DLGAP2: variants seen among roughly 807,000 people sequenced by gnomAD.
The protein encoded by DLGAP2 is disks large-associated protein 2.
A neutral mutation model predicts 100.3 loss-of-function variants in DLGAP2; 26 were observed. The observed-to-expected ratio is 0.26, with a 90% CI of 0.19 to 0.36. DLGAP2 has a LOEUF of 0.36. Ranked by LOEUF, DLGAP2 falls within the 10% of genes least tolerant of loss-of-function variation. The probability of loss-of-function intolerance (pLI) is 1.00; values close to 1 mark genes in which losing one functional copy is unlikely to be tolerated. For synonymous variants in DLGAP2, 886 were observed against 630.1 expected, an observed-to-expected ratio of 1.41 and a Z score of -6.08; for missense variants, 1,858 against 1,453.2, an observed-to-expected ratio of 1.28 and a Z score of -4.53.
intron 5 of DLGAP2, among the ~76,000 whole-genome samples, chr8:1,559,996 A>T (rs929451695): frequency 6.6e-6 from 1 of 152,192 alleles, no homozygotes; most frequent in Non-Finnish European, 1.5e-5. Context: ...CTCCACCCTG[A>T]TGATGCTACC....
intron 6 of DLGAP2, among the ~76,000 whole-genome samples, chr8:1,590,019 C>T (rs1453982570): frequency 6.6e-6 from 1 of 152,108 alleles, no homozygotes; most frequent in African/African-American, 2.4e-5. Context: ...GGCAAGGCCT[C>T]GCTCCCTGCA....
At chr8:1,047,753 C>T (rs1424710531) in intron 2 of DLGAP2, among the ~76,000 whole-genome samples, 1 of 152,074 alleles carries the variant, frequency 6.6e-6, no homozygotes, top group Non-Finnish European at 1.5e-5. Context: ...CATGAGGGAT[C>T]AGCCTTCATG....
intron 2 of DLGAP2, among the ~76,000 whole-genome samples, chr8:1,216,130 G>A (rs1284980650): frequency 6.6e-6 from 1 of 152,230 alleles, no homozygotes; most frequent in Non-Finnish European, 1.5e-5. Context: ...TAAAGGGTGT[G>A]TCTAGACAGG....
chr8:1,355,458 G>A (rs1045776085), intron 3 of DLGAP2, among the ~76,000 whole-genome samples: 4 of 151,480 alleles, frequency 2.6e-5, no homozygotes, highest in African/African-American at 7.3e-5. Flanking sequence ...TCCACCTCCC[G>A]GGTTCAAGCG....
At chr8:1,540,283 G>A (rs922404232) in intron 4 of DLGAP2, among the ~76,000 whole-genome samples, 2 of 152,172 alleles carry the variant, frequency 1.3e-5, no homozygotes, top group East Asian at 1.9e-4. Context: ...ACTGTCTGAC[G>A]TTTGCCTGTT....
At chr8:790,943 A>G (rs929397857) in intron 1 of DLGAP2, among the ~76,000 whole-genome samples, 1 of 152,080 alleles carries the variant, frequency 6.6e-6, no homozygotes, top group Admixed American at 6.5e-5. Flanking sequence ...AGGTTTCACC[A>G]TGTTGCCCAA....
intron 6 of DLGAP2, among the ~76,000 whole-genome samples, chr8:1,569,793 T>C (rs908165766): frequency 6.6e-6 from 1 of 152,214 alleles, no homozygotes; most frequent in African/African-American, 2.4e-5. Flanking sequence ...CCCATGGCAC[T>C]GCTCTGTGGA....
chr8:1,534,999 C>G (rs1163290084), intron 4 of DLGAP2, among the ~76,000 whole-genome samples: 1 of 152,242 alleles, frequency 6.6e-6, no homozygotes, highest in African/African-American at 2.4e-5. Flanking sequence ...CCAGAGCGCA[C>G]TGTTTTCGTG....
chr8:1,491,107 C>T lies in DLGAP2; in HGVS notation c.107-10259C>T, dbSNP rs79256487. On this transcript the variant is annotated intron_variant, in intron 3 of 14. Transcript: ENST00000637795. ...AAAAAAAAAAACCCAAAAATAAAATCACTTTTCATGAACAGAGCAAAAGAA... is the reference window on the plus strand; with the variant it reads ...AAAAAAAAAAACCCAAAAATAAAATTACTTTTCATGAACAGAGCAAAAGAA... 3.3e-3 allele frequency among the ~76,000 whole-genome samples: 220 copies of T among 67,442 alleles called. 2 individuals carry two copies. The East Asian group carries it at 0.065, about 20-fold the overall frequency. 44.2% of individuals were successfully genotyped at this position (67,442 alleles called of 152,430 possible). A position where few individuals can be genotyped will look rare whatever the true frequency, so the allele number is the denominator to read the frequency against.
chr8:1,237,567 C>G (rs1327128611), intron 2 of DLGAP2, among the ~76,000 whole-genome samples: 1 of 144,684 alleles, frequency 6.9e-6, no homozygotes, highest in African/African-American at 2.6e-5. Flanking sequence ...GTGTCTAGTT[C>G]TCTCACATGG....
chr8:928,004 G>T (rs1256263884), intron 2 of DLGAP2, among the ~76,000 whole-genome samples: 1 of 152,222 alleles, frequency 6.6e-6, no homozygotes, highest in African/African-American at 2.4e-5. Flanking sequence ...GTGTGCAGTA[G>T]AAGGGATGCC....
chr8:1,587,973 C>T (rs1796175620), intron 6 of DLGAP2, among the ~76,000 whole-genome samples: 1 of 152,200 alleles, frequency 6.6e-6, no homozygotes, highest in Admixed American at 6.5e-5. Flanking sequence ...TTTCCTGTAA[C>T]TGTGACACGT....
At chr8:1,526,765 T>C (rs1040631184) in intron 4 of DLGAP2, among the ~76,000 whole-genome samples, 2 of 152,208 alleles carry the variant, frequency 1.3e-5, no homozygotes, top group African/African-American at 4.8e-5. Flanking sequence ...TGGTGTGAGC[T>C]ACGTCTATCC....
chr8:1,539,587 G>A (rs1473477028), intron 4 of DLGAP2, among the ~76,000 whole-genome samples: 3 of 151,880 alleles, frequency 2.0e-5, no homozygotes, highest in Non-Finnish European at 4.4e-5. Flanking sequence ...CTGTGATGGG[G>A]CCACCTTCTC....
At chr8:1,464,347 C>T (rs75032215) in intron 3 of DLGAP2, among the ~76,000 whole-genome samples, 1,711 of 110,800 alleles carry the variant, frequency 0.015, 90 homozygotes, top group East Asian at 0.021. Flanking sequence ...CCTTCCAGGA[C>T]GGCACCCTTC....
chr8:1,190,868 T>C (rs2116728791), intron 2 of DLGAP2, among the ~76,000 whole-genome samples: 1 of 152,176 alleles, frequency 6.6e-6, no homozygotes, highest in South Asian at 2.1e-4. Flanking sequence ...GCAGCAAGCG[T>C]GGGGTCTGTG....
At chr8:1,586,452 C>T (rs899941361) in intron 6 of DLGAP2, among the ~76,000 whole-genome samples, 3 of 152,018 alleles carry the variant, frequency 2.0e-5, no homozygotes, top group East Asian at 2.0e-4. Flanking sequence ...CATCGATCTC[C>T]GACTTGCTCT....
intron 3 of DLGAP2, among the ~76,000 whole-genome samples, chr8:1,267,353 G>T (rs1799476487): frequency 6.6e-6 from 1 of 151,270 alleles, no homozygotes; most frequent in Non-Finnish European, 1.5e-5. Context: ...ATCACTTGAG[G>T]TCAGGAGCTT....
chr8:1,177,151 G>A (rs924342005), intron 2 of DLGAP2, among the ~76,000 whole-genome samples: 2 of 152,168 alleles, frequency 1.3e-5, no homozygotes, highest in Non-Finnish European at 2.9e-5. Context: ...ACGCACGCAC[G>A]CCCAGCACCC....
Sources: gnomAD v4.1 joint callset for allele counts (sites outside exome capture counted in the v4.1 genomes callset) on GRCh38, gnomAD v4.1.1 for gene constraint, MANE v1.5 for transcripts, NCBI Gene and HGNC (gene_info 2026-07-23, HGNC 2026-07-21) for gene names.